Variants in ASXL3 observed in about 807,000 individuals in gnomAD.
ASXL3 encodes the protein putative Polycomb group protein ASXL3.
ASXL3 carries 34 observed loss-of-function variants against 170.6 expected under a neutral mutation model. The observed-to-expected ratio is 0.20, with a 90% confidence interval of 0.15 to 0.27. The LOEUF is 0.27. Among genes scored for constraint, ASXL3 ranks in the 10% least tolerant of loss-of-function variants. The pLI is 1.00. For synonymous variants in ASXL3, 1,002 were observed against 989.1 expected (o/e 1.01, Z -0.24); for missense variants, 2,592 against 2,695.3 (o/e 0.96, Z 0.85).
chr18:33,595,003 T>A (rs558868301), intron 1 of ASXL3, among the ~76,000 whole-genome samples: 1 of 152,264 alleles, frequency 6.6e-6, no homozygotes, highest in African/African-American at 2.4e-5. Context: ...ATGACTCAAA[T>A]TGGAAACAGG....
At position 33,739,131 on chromosome 18, in the gene ASXL3, C is replaced by T. The variant is rs2067605156; in HGVS notation, c.1727C>T (p.Ser576Leu). 6.2e-7 allele frequency: 1 copy of T among 1,613,418 alleles called. No individual in the cohort carries two copies. The highest frequency in any genetic ancestry group is 8.5e-7 in the Non-Finnish European group (1 of 1,179,646). Reference sequence around the variant, plus strand: ...AGTACCCCCAAAATAAAAACAGGGTCATCTTCTCTAGAAGGCCAGTTTCCA... The same window carrying T: ...AGTACCCCCAAAATAAAAACAGGGTTATCTTCTCTAGAAGGCCAGTTTCCA... ...ETSTPKIKTG[S>L]SSLEGQFPNE... Residue 576 changes from serine (S) to leucine (L), a missense_variant, in exon 11 of 12, where the codon TCA becomes TTA. By Grantham distance (145) the Ser-to-Leu change is moderately radical (BLOSUM62 -2). Transcript: ENST00000269197.
At position 33,740,177 on chromosome 18, in the gene ASXL3, C is replaced by T; in HGVS notation, c.2773C>T (p.His925Tyr). 3 of 1,613,876 alleles carry T rather than the reference C, an allele frequency of 1.9e-6. No individual in the cohort carries two copies. Among genetic ancestry groups the T allele is most frequent in the Non-Finnish European group, 2.5e-6 (3 of 1,179,864 alleles). The part of the protein sequence containing the change: ...PFSEGSRNKT[H>Y]KQGSTQSRLE... ...TTCAGAAGGCTCTAGAAATAAAACACATAAGCAAGGGAGTACACAGAGTCG... is the reference window on the plus strand; with the variant it reads ...TTCAGAAGGCTCTAGAAATAAAACATATAAGCAAGGGAGTACACAGAGTCG... Residue 925 changes from histidine to tyrosine, a missense_variant, in exon 11 of 12, where the codon CAT becomes TAT. His to Tyr is a moderately conservative substitution (Grantham distance 83). Around this residue, in one of 4 missense-constraint regions of ASXL3, gnomAD observed 2,246 missense variants for 2,219.6 expected, o/e 1.01. Transcript: ENST00000269197.
intron 11 of ASXL3, among the ~76,000 whole-genome samples, chr18:33,742,007 T>C (rs1239807334): frequency 6.6e-6 from 1 of 152,202 alleles, no homozygotes; most frequent in Non-Finnish European, 1.5e-5. Context: ...TTACCAAGAA[T>C]TGGTAAACAG....
intron 7 of ASXL3, among the ~76,000 whole-genome samples, chr18:33,681,269 A>G (rs541701742): frequency 2.0e-5 from 3 of 152,184 alleles, no homozygotes; most frequent in South Asian, 2.1e-4. Flanking sequence ...ACTCATGTCT[A>G]TTATTAGTCA....
chr18:33,626,684 A>G (rs1489309329), intron 2 of ASXL3: 3 of 152,052 alleles, frequency 2.0e-5, no homozygotes, highest in Non-Finnish European at 4.4e-5. Flanking sequence ...CCAGGTCTTC[A>G]TATGCTTTTA....
chr18:33,629,842 AATTT>A (rs1490256145), intron 2 of ASXL3, among the ~76,000 whole-genome samples: 3 of 152,056 alleles, frequency 2.0e-5, no homozygotes, highest in African/African-American at 7.2e-5. Context: ...TTGCTTGTGG[AATTT>A]ATTAATATGT....
chr18:33,630,506 G>C (rs570472944), intron 2 of ASXL3, among the ~76,000 whole-genome samples: 2 of 152,024 alleles, frequency 1.3e-5, no homozygotes, highest in Admixed American at 6.6e-5. Context: ...AAAGAAGGAG[G>C]AGGAGAGAGG....
chr18:33,716,931 G>A (rs1382604862), intron 8 of ASXL3, among the ~76,000 whole-genome samples: 1 of 151,118 alleles, frequency 6.6e-6, no homozygotes, highest in African/African-American at 2.4e-5. Flanking sequence ...GTGGGGAGGT[G>A]ATGTTAAACA....
intron 4 of ASXL3, among the ~76,000 whole-genome samples, chr18:33,655,317 G>A (rs2066065782): frequency 2.0e-5 from 3 of 151,956 alleles, no homozygotes; most frequent in Non-Finnish European, 4.4e-5. Context: ...ATAAAATATA[G>A]TAATCATTCC....
Position 33,740,433 on chromosome 18 carries a change from C to T in ASXL3, c.3029C>T (p.Pro1010Leu). 2 of 1,569,924 alleles carry T rather than the reference C, an allele frequency of 1.3e-6. No homozygotes were observed. The highest frequency in any genetic ancestry group is 1.7e-6 in the Non-Finnish European group (2 of 1,164,184). Reference protein sequence around the residue: ...EQPPREEPRVPPLKIQLSKIG... With the variant: ...EQPPREEPRVLPLKIQLSKIG... ...CCTCCCAGAGAGGAACCAAGGGTTC[C>T]CCCTCTCAAGGTATGGTATTAAATA... Residue 1010 changes from proline (P) to leucine (L), a missense_variant, in exon 11 of 12, where the codon CCC (proline) becomes CTC (leucine). By Grantham distance (98) the Pro-to-Leu change is moderately conservative. Transcript: ENST00000269197.
intron 1 of ASXL3, among the ~76,000 whole-genome samples, chr18:33,582,706 CTGTGTG>C (rs34434614): frequency 1.0e-3 from 140 of 136,022 alleles, no homozygotes; most frequent in African/African-American, 1.6e-3. Context: ...TGGTTTTTTT[CTGTGTG>C]TGTGTGTGTG....
chr18:33,619,406 C>CT (rs2065475184), intron 2 of ASXL3, among the ~76,000 whole-genome samples: 1 of 151,016 alleles, frequency 6.6e-6, no homozygotes, highest in African/African-American at 2.4e-5. Context: ...TGTTGAAACT[C>CT]TTTCAGTTTA....
Position 33,743,279 on chromosome 18 carries a change from T to G in ASXL3, c.3431T>G (p.Val1144Gly), listed in dbSNP as rs2067697960. Reference protein sequence around the residue: ...SSKEGPPNLEVSSTPETKMEG... With the variant: ...SSKEGPPNLEGSSTPETKMEG... Reference sequence around the variant, plus strand: ...AAGGAAGGGCCTCCAAACTTAGAAGTCTCTTCTACCCCTGAAACAAAAATG... The same window carrying G: ...AAGGAAGGGCCTCCAAACTTAGAAGGCTCTTCTACCCCTGAAACAAAAATG... Residue 1144 changes from valine to glycine, a missense_variant, in exon 12 of 12, where the codon GTC becomes GGC. Val to Gly is a moderately radical substitution (Grantham distance 109). Transcript: ENST00000269197. 1 of 1,613,810 alleles carries G rather than the reference T, an allele frequency of 6.2e-7. No individual in the cohort carries two copies. Among genetic ancestry groups the G allele is most frequent in the African/African-American group, 1.3e-5 (1 of 75,014 alleles).
chr18:33,714,438 T>C (rs2067130736), intron 8 of ASXL3, among the ~76,000 whole-genome samples: 1 of 152,194 alleles, frequency 6.6e-6, no homozygotes, highest in South Asian at 2.1e-4. Context: ...CTAGTTATTG[T>C]CATTTTTTCC....
At chr18:33,624,196 C>T (rs2065562812) in intron 2 of ASXL3, among the ~76,000 whole-genome samples, 1 of 151,820 alleles carries the variant, frequency 6.6e-6, no homozygotes, top group Non-Finnish European at 1.5e-5. Context: ...TTTGGGACTC[C>T]AATATCAGGG....
At chr18:33,648,962 A>C (rs1348151513) in intron 4 of ASXL3, among the ~76,000 whole-genome samples, 1 of 152,108 alleles carries the variant, frequency 6.6e-6, no homozygotes, top group African/African-American at 2.4e-5. Context: ...TTTTTGTGGA[A>C]TGGTAAGACC....
At position 33,630,243 on chromosome 18, in the gene ASXL3, T is replaced by A. The variant is rs143549262; in HGVS notation, c.138-14651T>A. 3.4e-4 allele frequency among the ~76,000 whole-genome samples: 51 copies of A among 152,168 alleles called. No individual in the cohort carries two copies. The East Asian group carries it at 9.5e-3, about 28-fold the overall frequency. ...AAGCCTCTTGTTTCCATAAGAGGAC[T>A]TACTTTGAAATTCGTCCTTTTGTAA... On this transcript the variant is annotated intron_variant, in intron 2 of 11. Coordinates refer to ENST00000269197, the MANE Select transcript of ASXL3 (RefSeq NM_030632.3).
At chr18:33,620,891 A>T (rs1345935025) in intron 2 of ASXL3, among the ~76,000 whole-genome samples, 1 of 152,100 alleles carries the variant, frequency 6.6e-6, no homozygotes, top group Non-Finnish European at 1.5e-5. Context: ...GAGTAGGGGG[A>T]TACATAATTT....
In ASXL3 at chr18:33,605,242, G is replaced by A. The variant is rs552890781; in HGVS notation, c.55-2352G>A. Among the ~76,000 whole-genome samples, 53 of 152,120 alleles carry A rather than the reference G, an allele frequency of 3.5e-4. No individual in the cohort carries two copies. The South Asian group carries it at 0.01, about 29-fold the overall frequency. ...CTGACTGTGGCTTGCCCCACTCAGT[G>A]TATTAGAGTATGGCTGTCTGTGAGT... is the stretch of plus-strand genomic sequence containing the variant. On this transcript the variant is annotated intron_variant, in intron 1 of 11. Coordinates refer to ENST00000269197, the MANE Select transcript of ASXL3 (RefSeq NM_030632.3).
Sources: allele counts gnomAD v4.1 joint callset (sites outside exome capture counted in the v4.1 genomes callset), GRCh38; gene constraint gnomAD v4.1.1; regional missense constraint gnomAD v4.1.1; transcripts MANE v1.5; gene names NCBI Gene and HGNC (gene_info 2026-07-23, HGNC 2026-07-21).